The following PTPN14 variants were observed in gnomAD, a reference collection of about 807,000 sequenced individuals.
PTPN14 encodes the protein protein tyrosine phosphatase non-receptor type 14.
In PTPN14, 53 loss-of-function variants were observed where a neutral mutation model predicts 126.8. The ratio of observed to expected loss-of-function variants is 0.42; its 90% confidence interval spans 0.34 to 0.53. The LOEUF is 0.53. Among genes scored for constraint, PTPN14 ranks in the 20% least tolerant of loss-of-function variants. The pLI is 0.08. For synonymous variants in PTPN14, 630 were observed against 599.3 expected (o/e 1.05, Z -0.75); for missense variants, 1,257 against 1,552.9 (o/e 0.81, Z 3.20).
intron 2 of PTPN14, among the ~76,000 whole-genome samples, chr1:214,452,265 G>A (rs1453692981): frequency 1.3e-5 from 2 of 152,226 alleles, no homozygotes; most frequent in Non-Finnish European, 2.9e-5. Context: ...AAGGGATAGT[G>A]CTGACTTTTC....
Position 214,449,011 on chromosome 1 carries a change from C to CTTTTT in PTPN14, c.344+2789_344+2793dup, listed in dbSNP as rs71165970. Among the ~76,000 whole-genome samples the CTTTTT allele has an allele frequency of 1.2e-4, 14 of 112,468 alleles. 2 individuals are homozygous for CTTTTT. Among genetic ancestry groups the CTTTTT allele is most frequent in the East Asian group, 6.0e-4 (2 of 3,312 alleles). 73.8% of individuals were successfully genotyped at this position (112,468 alleles called of 152,430 possible). A position where few individuals can be genotyped will look rare whatever the true frequency, so the allele number is the denominator to read the frequency against. On this transcript the variant is annotated intron_variant, in intron 3 of 18. Coordinates refer to ENST00000366956, the MANE Select transcript of PTPN14 (RefSeq NM_005401.5). ...TGTGCCCTTGTAAGACTTAATTTTTCTTTTTTTTTTTTTGAGACGGAGTCT... is the reference window on the plus strand; with the variant it reads ...TGTGCCCTTGTAAGACTTAATTTTTCTTTTTTTTTTTTTTTTTTGAGACGGAGTCT...
chr1:214,463,747 G>A (rs1352157819), intron 2 of PTPN14, among the ~76,000 whole-genome samples: 3 of 152,210 alleles, frequency 2.0e-5, no homozygotes, highest in African/African-American at 4.8e-5. Flanking sequence ...CAGGGACCTA[G>A]GACAATTACC....
At chr1:214,412,000 G>A (rs1659320489) in intron 4 of PTPN14, among the ~76,000 whole-genome samples, 1 of 151,926 alleles carries the variant, frequency 6.6e-6, no homozygotes. Context: ...ATTCCTAAAG[G>A]CCATTTAAAA....
rs1659072234 is a variant in PTPN14 at position 214,403,036 on chromosome 1, C to T, written c.511-83G>A. 19 of 1,367,890 alleles carry T rather than the reference C, an allele frequency of 1.4e-5. No individual in the cohort carries two copies. The South Asian group carries it at 2.1e-4, about 15-fold the overall frequency. The allele number at this position is 1,367,890 out of a possible 1,614,324, so 84.7% of individuals were successfully genotyped here. A position where few individuals can be genotyped will look rare whatever the true frequency, so the allele number is the denominator to read the frequency against. On this transcript the variant is annotated intron_variant, in intron 5 of 18. Transcript: ENST00000366956. ...TTGCAAATCTTAAAGCTCCCTTCCT[C>T]AGATGTTCCTGATTAGTCACATTTC...
intron 4 of PTPN14, among the ~76,000 whole-genome samples, chr1:214,414,181 A>G (rs1169047792): frequency 6.6e-6 from 1 of 152,234 alleles, no homozygotes; most frequent in East Asian, 1.9e-4. Context: ...TGTTACAATC[A>G]TGGATTTTAA....
chr1:214,375,193 C>T (rs1476179660), intron 15 of PTPN14, among the ~76,000 whole-genome samples: 1 of 152,192 alleles, frequency 6.6e-6, no homozygotes, highest in African/African-American at 2.4e-5. Flanking sequence ...CCATACTATA[C>T]TTTTCCCATT....
At chr1:214,469,500 G>C (rs1166749513) in intron 1 of PTPN14, among the ~76,000 whole-genome samples, 2 of 151,952 alleles carry the variant, frequency 1.3e-5, no homozygotes, top group African/African-American at 4.8e-5. Context: ...GGCTCTCTGG[G>C]GCCCCATCAT....
chr1:214,480,667 G>A (rs189446033), intron 1 of PTPN14, among the ~76,000 whole-genome samples: 1 of 152,308 alleles, frequency 6.6e-6, no homozygotes, highest in Non-Finnish European at 1.5e-5. Flanking sequence ...AACCTCGGAA[G>A]CAGATCTAAG....
intron 6 of PTPN14, 142 bp downstream of exon 6, chr1:214,402,741 T>C (rs1659062234): frequency 7.4e-6 from 6 of 816,118 alleles, no homozygotes; most frequent in Non-Finnish European, 1.1e-5. Context: ...AGAACGGAAG[T>C]ACAGAGCTGA....
intron 1 of PTPN14, among the ~76,000 whole-genome samples, chr1:214,509,584 G>A (rs1388602651): frequency 2.6e-5 from 4 of 152,204 alleles, no homozygotes. Context: ...TGGTTCACTG[G>A]AGTGGCAATT....
chr1:214,493,640 C>T (rs1272995779), intron 1 of PTPN14, among the ~76,000 whole-genome samples: 1 of 152,142 alleles, frequency 6.6e-6, no homozygotes, highest in African/African-American at 2.4e-5. Flanking sequence ...GGAAATTGAT[C>T]TTTTATACAT....
intron 15 of PTPN14, 71 bp from the exon 16 acceptor site, chr1:214,372,910 A>G: frequency 6.3e-7 from 1 of 1,585,154 alleles, no homozygotes; most frequent in South Asian, 1.2e-5. Flanking sequence ...TCACCTGTCC[A>G]TCTGTATCCA....
chr1:214,535,085 C>G (rs1224080639), intron 1 of PTPN14, among the ~76,000 whole-genome samples: 1 of 152,024 alleles, frequency 6.6e-6, no homozygotes, highest in Non-Finnish European at 1.5e-5. Context: ...TAGGTAGACA[C>G]AAAAGATATC....
At chr1:214,430,143 T>C (rs1659766070) in intron 3 of PTPN14, among the ~76,000 whole-genome samples, 1 of 152,218 alleles carries the variant, frequency 6.6e-6, no homozygotes, top group Non-Finnish European at 1.5e-5. Context: ...GGACTTTGCA[T>C]TGCAATTTTC....
At chr1:214,548,379 C>T (rs1044848104) in intron 1 of PTPN14, among the ~76,000 whole-genome samples, 2 of 152,094 alleles carry the variant, frequency 1.3e-5, no homozygotes, top group Non-Finnish European at 2.9e-5. Flanking sequence ...AATTTAAATC[C>T]GTAAGGGGAG....
At chr1:214,535,216 T>A (rs541928572) in intron 1 of PTPN14, among the ~76,000 whole-genome samples, 71 of 152,304 alleles carry the variant, frequency 4.7e-4, no homozygotes, top group African/African-American at 1.6e-3. Flanking sequence ...TATCGCCACA[T>A]CTTTTCATTC....
At chr1:214,479,538 C>A (rs1394613274) in intron 1 of PTPN14, among the ~76,000 whole-genome samples, 1 of 151,990 alleles carries the variant, frequency 6.6e-6, no homozygotes, top group Non-Finnish European at 1.5e-5. Context: ...TAGGGTTTCA[C>A]CATGTTGGCC....
At chr1:214,477,253 G>A (rs557329405) in intron 1 of PTPN14, among the ~76,000 whole-genome samples, 24 of 152,320 alleles carry the variant, frequency 1.6e-4, no homozygotes, top group African/African-American at 5.5e-4. Flanking sequence ...TTAAAGAGTT[G>A]TATAATCCCA....
Position 214,352,704 on chromosome 1 carries a change from C to T in PTPN14, c.*5218G>A, listed in dbSNP as rs984856098. On this transcript the variant is annotated 3_prime_UTR_variant, in exon 19 of 19. Coordinates refer to ENST00000366956, the MANE Select transcript of PTPN14 (RefSeq NM_005401.5). ...CCTATAGGGCCAACTAGTGTGCCAA[C>T]CATAAGGCTGTAGGCCATTGGAGAA... The T allele has an allele frequency of 2.0e-5, 3 of 152,186 alleles. No individual in the cohort carries two copies. The highest frequency in any genetic ancestry group is 4.4e-5 in the Non-Finnish European group (3 of 68,044). 9.4% of individuals were successfully genotyped at this position (152,186 alleles called of 1,614,324 possible).
Sources: gnomAD v4.1 joint callset for allele counts (sites outside exome capture counted in the v4.1 genomes callset) on GRCh38, gnomAD v4.1.1 for gene constraint, MANE v1.5 for transcripts, NCBI Gene and HGNC (gene_info 2026-07-23, HGNC 2026-07-21) for gene names.